MASP1: variants seen among roughly 807,000 people sequenced by gnomAD.
MASP1 encodes the protein MBL associated serine protease 1, also known as mannan-binding lectin serine protease 1.
MASP1 carries 59 observed loss-of-function variants against 77.1 expected under a neutral mutation model. That is an observed-to-expected ratio of 0.77 (90% CI 0.62 to 0.95). The LOEUF (loss-of-function observed/expected upper bound fraction) is 0.95. Ranked by LOEUF, MASP1 falls within the 40% of genes least tolerant of loss-of-function variation. The pLI is 0.00. For missense variants in MASP1, 885 were observed against 912.9 expected (o/e 0.97, Z 0.39); for synonymous variants, 362 against 354.5 (o/e 1.02, Z -0.24).
Position 187,236,039 on chromosome 3 carries a change from C to A in MASP1, c.1832G>T (p.Arg611Leu). ...ATACTGCAGGACATCTGACAAGGTCCGTGTGCCACTGCTGATGATCTCATC... is the reference window on the plus strand; with the variant it reads ...ATACTGCAGGACATCTGACAAGGTCAGTGTGCCACTGCTGATGATCTCATC... ...TVDEIISSGT[R>L]TLSDVLQYVK... is the part of the protein sequence containing the mutation. Residue 611 changes from arginine (R) to leucine (L), a missense_variant, in exon 11 of 11, where the codon CGG (arginine) becomes CTG (leucine). Transcript: ENST00000296280. The A allele has an allele frequency of 6.2e-7, 1 of 1,614,190 alleles. No individual in the cohort carries two copies. Among genetic ancestry groups the A allele is most frequent in the Non-Finnish European group, 8.5e-7 (1 of 1,180,052 alleles).
chr3:187,236,189 T>C lies in MASP1; in HGVS notation c.1682A>G (p.Glu561Gly). The change falls in exon 11 of 11, where the codon GAG becomes GGG. Residue 561 changes from glutamate (E) to glycine (G), a missense_variant. By Grantham distance (98) the Glu-to-Gly change is moderately conservative (BLOSUM62 -2). Transcript: ENST00000296280. Reference protein sequence around the residue: ...NHDIALVQLQEPVPLGPHVMP... With the variant: ...NHDIALVQLQGPVPLGPHVMP... The stretch of plus-strand genomic sequence containing the variant: ...AACGTGGGGTCCCAGGGGCACAGGC[T>C]CCTGCAGCTGCACCAGAGCTATATC... 6.2e-7 allele frequency: 1 copy of C among 1,614,132 alleles called. No individual in the cohort carries two copies. Among genetic ancestry groups the C allele is most frequent in the South Asian group, 1.1e-5 (1 of 91,074 alleles).
At chr3:187,225,690 G>C (rs1712386426) in intron 12 of MASP1, among the ~76,000 whole-genome samples, 1 of 152,090 alleles carries the variant, frequency 6.6e-6, no homozygotes, top group Non-Finnish European at 1.5e-5. Context: ...TAATCTCATG[G>C]GTCCCCACCT....
chr3:187,257,680 C>T (rs1450893456), intron 4 of MASP1, among the ~76,000 whole-genome samples: 8 of 152,170 alleles, frequency 5.3e-5, no homozygotes, highest in Non-Finnish European at 8.8e-5. Context: ...CCACCTCGCC[C>T]GGCCTCCTTA....
At chr3:187,247,060 G>C in intron 8 of MASP1, 1 of 1,359,822 alleles carries the variant, frequency 7.4e-7, no homozygotes, top group South Asian at 1.6e-5. Flanking sequence ...GAAAAGTACA[G>C]TCCACTCAGA....
At chr3:187,228,219 G>A (rs1448244039) in intron 11 of MASP1, among the ~76,000 whole-genome samples, 3 of 151,506 alleles carry the variant, frequency 2.0e-5, no homozygotes, top group Non-Finnish European at 4.4e-5. Flanking sequence ...CCCGAGAGGC[G>A]GAGGTTGCAG....
chr3:187,277,199 G>A (rs1345084005), intron 2 of MASP1, among the ~76,000 whole-genome samples: 1 of 152,174 alleles, frequency 6.6e-6, no homozygotes, highest in Non-Finnish European at 1.5e-5. Context: ...GGAGTCAGCA[G>A]CTGTTTTCTA....
intron 1 of MASP1, among the ~76,000 whole-genome samples, chr3:187,290,971 CTA>C (rs1372470486): frequency 1.3e-5 from 2 of 151,224 alleles, no homozygotes; most frequent in Non-Finnish European, 2.9e-5. Flanking sequence ...TTTCAGAACT[CTA>C]AAATCCTTTT....
Position 187,234,578 on chromosome 3 carries a change from T to A in MASP1, c.*1106A>T. On this transcript the variant is annotated 3_prime_UTR_variant, in exon 11 of 11. Coordinates refer to ENST00000296280, the MANE Select transcript of MASP1 (RefSeq NM_139125.4). The stretch of plus-strand genomic sequence containing the variant: ...CTGCCTGCCATGGGTGAGCCTCTGA[T>A]TCCTTTGACTCTGAAAAATGAAGGA... 1 of 1,287,248 alleles carries A rather than the reference T, an allele frequency of 7.8e-7. No homozygotes were observed. The highest frequency in any genetic ancestry group is 1.0e-6 in the Non-Finnish European group (1 of 988,694). The allele number at this position is 1,287,248 out of a possible 1,614,324, so 79.7% of individuals were successfully genotyped here.
chr3:187,255,283 G>C (rs532263549), intron 5 of MASP1, among the ~76,000 whole-genome samples: 2 of 152,264 alleles, frequency 1.3e-5, no homozygotes, highest in South Asian at 4.2e-4. Context: ...AAGTATCTGA[G>C]CGCAACTTCT....
chr3:187,234,079 G>C, downstream of MASP1: 1 of 1,261,826 alleles, frequency 7.9e-7, no homozygotes, highest in South Asian at 1.3e-5. Context: ...CATAAGCCAA[G>C]GCTGTTGGTT....
At chr3:187,277,266 CTG>C (rs1050403619) in intron 2 of MASP1, among the ~76,000 whole-genome samples, 2 of 152,122 alleles carry the variant, frequency 1.3e-5, no homozygotes, top group Non-Finnish European at 2.9e-5. Flanking sequence ...CTGCCCAGGA[CTG>C]TGCTTTCTAC....
rs1262167357 is a variant in MASP1, at chr3:187,234,327, A to T, written c.*1357T>A. The T allele has an allele frequency of 1.6e-6, 2 of 1,287,200 alleles. No individual in the cohort carries two copies. The highest frequency in any genetic ancestry group is 4.6e-5 in the Admixed American group (2 of 43,556). 79.7% of individuals were successfully genotyped at this position (1,287,200 alleles called of 1,614,324 possible). On this transcript the variant is annotated 3_prime_UTR_variant, in exon 11 of 11. Transcript: ENST00000296280. ...TCTGATGGAGATTTTCAGGAGAGAGAGCTCCAGGGAGAAGGAGAACAATCA... is the reference window on the plus strand; with the variant it reads ...TCTGATGGAGATTTTCAGGAGAGAGTGCTCCAGGGAGAAGGAGAACAATCA...
At chr3:187,256,581 G>T in intron 5 of MASP1, 83 bp downstream of exon 5, 1 of 1,302,708 alleles carries the variant, frequency 7.7e-7, no homozygotes, top group East Asian at 2.3e-5. Context: ...GGGAGAAGAA[G>T]GTGAAGGTTC....
At position 187,291,425 on chromosome 3, in the gene MASP1, G is replaced by C. The variant is rs182772211; in HGVS notation, c.5+203C>G. On this transcript the variant is annotated intron_variant, in intron 1 of 10. Coordinates refer to ENST00000296280, the MANE Select transcript of MASP1 (RefSeq NM_139125.4). The stretch of plus-strand genomic sequence containing the variant: ...ATTTGCACGAAGTCTCCCGTTTCAA[G>C]TTTTATGTCTCCTGGAGTCCTGGGG... 8 of 658,888 alleles carry C rather than the reference G, an allele frequency of 1.2e-5. No individual in the cohort carries two copies. In the East Asian group the frequency reaches 2.2e-4, roughly 18 times the overall value. 40.8% of individuals were successfully genotyped at this position (658,888 alleles called of 1,614,324 possible).
rs1296209870 is a variant in MASP1 at position 187,246,333 on chromosome 3, C to T, written c.1091-2712G>A. On this transcript the variant is annotated intron_variant, in intron 8 of 10. Transcript: ENST00000296280. Reference sequence around the variant, plus strand: ...TTAAATTCTGATGCCCTGTATGTCACTGAGTATGAATGCTGTTAATACGTT... The same window carrying T: ...TTAAATTCTGATGCCCTGTATGTCATTGAGTATGAATGCTGTTAATACGTT... 12 of 969,084 alleles carry T rather than the reference C, an allele frequency of 1.2e-5. No homozygotes were observed. In the South Asian group the frequency reaches 2.4e-4, roughly 19 times the overall value. The allele number at this position is 969,084 out of a possible 1,614,324, so 60.0% of individuals were successfully genotyped here. A position where few individuals can be genotyped will look rare whatever the true frequency, so the allele number is the denominator to read the frequency against.
intron 8 of MASP1, among the ~76,000 whole-genome samples, chr3:187,248,927 T>C (rs1714330710): frequency 6.6e-6 from 1 of 152,228 alleles, no homozygotes; most frequent in African/African-American, 2.4e-5. Flanking sequence ...CTTGGGACAA[T>C]GGCAGGAGAT....
In MASP1 at chr3:187,235,659, G is replaced by T; in HGVS notation, c.*25C>A. 2 of 1,613,306 alleles carry T rather than the reference G, an allele frequency of 1.2e-6. No homozygotes were observed. The highest frequency in any genetic ancestry group is 1.1e-5 in the South Asian group (1 of 91,076). On this transcript the variant is annotated 3_prime_UTR_variant, in exon 11 of 11. Coordinates refer to ENST00000296280, the MANE Select transcript of MASP1 (RefSeq NM_139125.4). The stretch of plus-strand genomic sequence containing the variant: ...TGCGGTGTAGCTTCGCTCAGGGGAG[G>T]CAGGCCCCGAGGAAGTAAGTCAGCT...
At position 187,223,101 on chromosome 3, in the gene MASP1, T is replaced by C. The variant is rs200959305; in HGVS notation, c.1809+26A>G. The stretch of plus-strand genomic sequence containing the variant: ...CCAGTGCAGAGCTGAGGTGTCACTG[T>C]CTGTAGGTTATAAAGTGAACTTCAC... On this transcript the variant is annotated intron_variant, in intron 14 of 15. Coordinates refer to the MASP1 transcript ENST00000337774. 1.6e-5 allele frequency: 25 copies of C among 1,599,794 alleles called. No individual in the cohort carries two copies. In the African/African-American group the frequency reaches 2.5e-4, roughly 16 times the overall value.
downstream of MASP1, among the ~76,000 whole-genome samples, chr3:187,233,629 T>C (rs1408514559): frequency 6.6e-6 from 1 of 152,224 alleles, no homozygotes; most frequent in Non-Finnish European, 1.5e-5. Context: ...CAGAACATGT[T>C]CTCCATGATG....
Sources: gnomAD v4.1 joint callset for allele counts (sites outside exome capture counted in the v4.1 genomes callset) on GRCh38, gnomAD v4.1.1 for gene constraint, MANE v1.5 for transcripts, NCBI Gene and HGNC (gene_info 2026-07-23, HGNC 2026-07-21) for gene names.